The following ACOXL variants were observed in gnomAD, a reference collection of about 807,000 sequenced individuals.
ACOXL encodes acyl-coenzyme A oxidase-like protein.
A neutral mutation model predicts 71.9 loss-of-function variants in ACOXL; 70 were observed. The observed-to-expected ratio is 0.97, with a 90% CI of 0.80 to 1.19. The LOEUF (loss-of-function observed/expected upper bound fraction) is 1.19. ACOXL is among the 50% of genes most tolerant of loss of function. The pLI, the probability that ACOXL is intolerant of heterozygous loss-of-function variation, is 0.00. For synonymous variants in ACOXL, 253 were observed against 281.6 expected, an observed-to-expected ratio of 0.90 and a Z score of 1.02; for missense variants, 703 against 736.3, an observed-to-expected ratio of 0.95 and a Z score of 0.52.
intron 10 of ACOXL, among the ~76,000 whole-genome samples, chr2:110,896,865 A>C (rs923646881): frequency 1.3e-5 from 2 of 152,176 alleles, no homozygotes; most frequent in African/African-American, 4.8e-5. Context: ...CAACAATACT[A>C]TCAGCCAATA....
At chr2:111,087,816 G>C (rs190995871) in intron 16 of ACOXL, among the ~76,000 whole-genome samples, 42 of 152,282 alleles carry the variant, frequency 2.8e-4, no homozygotes, top group African/African-American at 9.6e-4. Flanking sequence ...TTAAACTAAA[G>C]AGCTTCTGCT....
chr2:110,749,590 C>T (rs111283380), intron 1 of ACOXL, among the ~76,000 whole-genome samples: 4,414 of 152,086 alleles, frequency 0.029, 218 homozygotes, highest in African/African-American at 0.099. Context: ...TAGCTGGGCA[C>T]GGTGGCGGGC....
At chr2:110,792,401 T>G (rs774989012) in intron 3 of ACOXL, among the ~76,000 whole-genome samples, 8 of 152,206 alleles carry the variant, frequency 5.3e-5, no homozygotes, top group Non-Finnish European at 1.0e-4. Flanking sequence ...CTCAAGCCAC[T>G]CTGCCTCTTC....
chr2:111,005,302 C>G (rs752830879), intron 14 of ACOXL, among the ~76,000 whole-genome samples: 9 of 152,198 alleles, frequency 5.9e-5, no homozygotes, highest in Non-Finnish European at 1.0e-4. Flanking sequence ...AAATGAACAT[C>G]ATTAATGATC....
At chr2:110,836,278 A>G (rs1208607256) in intron 9 of ACOXL, among the ~76,000 whole-genome samples, 1 of 152,238 alleles carries the variant, frequency 6.6e-6, no homozygotes, top group Admixed American at 6.5e-5. Flanking sequence ...GGAAGGGGTT[A>G]CAGAAATCTG....
At chr2:111,027,588 G>A (rs1366702906) in intron 14 of ACOXL, among the ~76,000 whole-genome samples, 1 of 152,100 alleles carries the variant, frequency 6.6e-6, no homozygotes, top group Non-Finnish European at 1.5e-5. Context: ...CCAAAGTGCT[G>A]GGATTACAGG....
intron 3 of ACOXL, among the ~76,000 whole-genome samples, chr2:110,786,363 G>A (rs1383001787): frequency 6.6e-6 from 1 of 152,208 alleles, no homozygotes; most frequent in African/African-American, 2.4e-5. Context: ...TCGTGAGGGT[G>A]TCCACCATCA....
chr2:111,002,156 C>G (rs535083866), intron 14 of ACOXL, among the ~76,000 whole-genome samples: 1 of 152,298 alleles, frequency 6.6e-6, no homozygotes, highest in Non-Finnish European at 1.5e-5. Flanking sequence ...AAGCCTGGGA[C>G]AGACAGCCAG....
intron 9 of ACOXL, among the ~76,000 whole-genome samples, chr2:110,832,408 G>A (rs1689941370): frequency 6.6e-6 from 1 of 151,940 alleles, no homozygotes; most frequent in South Asian, 2.1e-4. Context: ...TGCGGTGGCG[G>A]GCGCCTGTAG....
intron 10 of ACOXL, among the ~76,000 whole-genome samples, chr2:110,852,469 C>G (rs578113614): frequency 6.6e-6 from 1 of 152,198 alleles, no homozygotes; most frequent in East Asian, 1.9e-4. Flanking sequence ...ATTGGCAAGA[C>G]GTAATCCAGG....
intron 16 of ACOXL, among the ~76,000 whole-genome samples, chr2:111,055,951 G>C (rs538018687): frequency 6.6e-6 from 1 of 152,338 alleles, no homozygotes; most frequent in East Asian, 1.9e-4. Context: ...AGAAGTAAGA[G>C]TGTGGCTGGC....
At chr2:110,840,961 C>G (rs1002471104) in intron 9 of ACOXL, among the ~76,000 whole-genome samples, 1 of 152,182 alleles carries the variant, frequency 6.6e-6, no homozygotes, top group Admixed American at 6.5e-5. Flanking sequence ...CAGGATCCCA[C>G]CATGTGTGGG....
At chr2:110,953,658 A>G (rs1274602797) in intron 12 of ACOXL, among the ~76,000 whole-genome samples, 7 of 152,196 alleles carry the variant, frequency 4.6e-5, no homozygotes, top group Non-Finnish European at 1.0e-4. Flanking sequence ...TTACACTGCT[A>G]TAAAGAACTA....
intron 5 of ACOXL, 43 bp downstream of exon 5, chr2:110,794,217 A>T: frequency 6.4e-7 from 1 of 1,572,756 alleles, no homozygotes; most frequent in African/African-American, 1.3e-5. Flanking sequence ...GGAGCTGGAA[A>T]CCTGGACAGA....
intron 12 of ACOXL, chr2:110,967,966 A>G: frequency 1.1e-6 from 1 of 925,544 alleles, no homozygotes; most frequent in South Asian, 1.3e-5. Flanking sequence ...AAATAAATAC[A>G]ACACACCCAA....
chr2:110,809,977 C>T (rs1473373360), intron 9 of ACOXL, among the ~76,000 whole-genome samples: 4 of 152,184 alleles, frequency 2.6e-5, no homozygotes, highest in African/African-American at 9.7e-5. Context: ...GTCCTGATGT[C>T]GATGTCCTCA....
At chr2:110,786,879 A>G (rs1294755921) in intron 3 of ACOXL, among the ~76,000 whole-genome samples, 1 of 152,256 alleles carries the variant, frequency 6.6e-6, no homozygotes, top group Admixed American at 6.5e-5. Flanking sequence ...AGTTGGGGAA[A>G]TCTGAGCATT....
chr2:111,037,983 G>GT (rs1320625134), intron 15 of ACOXL, among the ~76,000 whole-genome samples: 1 of 152,122 alleles, frequency 6.6e-6, no homozygotes. Context: ...AATGCTTCTT[G>GT]TTTTTTTCTA....
At chr2:111,109,967 C>T (rs534125469) in intron 17 of ACOXL, among the ~76,000 whole-genome samples, 1 of 152,170 alleles carries the variant, frequency 6.6e-6, no homozygotes, top group Admixed American at 6.5e-5. Flanking sequence ...CATGAGCCAC[C>T]GTGCCTGGCC....
Sources: gnomAD v4.1 joint callset for allele counts (sites outside exome capture counted in the v4.1 genomes callset) on GRCh38, gnomAD v4.1.1 for gene constraint, MANE v1.5 for transcripts, NCBI Gene and HGNC (gene_info 2026-07-23, HGNC 2026-07-21) for gene names.